The following TMEM132D variants were observed in gnomAD, a reference collection of about 807,000 sequenced individuals.
TMEM132D encodes the protein mature OL transmembrane protein.
A neutral mutation model predicts 62.3 loss-of-function variants in TMEM132D; 21 were observed. The ratio of observed to expected loss-of-function variants is 0.34; its 90% CI spans 0.24 to 0.49. TMEM132D has a LOEUF of 0.49. TMEM132D is among the 20% of genes least tolerant of loss of function. The pLI is 0.99. For missense variants in TMEM132D, 1,346 were observed against 1,402.8 expected (o/e 0.96, Z 0.65); for synonymous variants, 621 against 575.6 (o/e 1.08, Z -1.13).
At chr12:129,483,882 TC>T (rs1445561147) in intron 3 of TMEM132D, among the ~76,000 whole-genome samples, 1 of 152,236 alleles carries the variant, frequency 6.6e-6, no homozygotes, top group Non-Finnish European at 1.5e-5. Flanking sequence ...ATGATTTTGC[TC>T]TAATTTAGTT....
intron 5 of TMEM132D, among the ~76,000 whole-genome samples, chr12:129,124,243 T>G (rs1876148244): frequency 6.6e-6 from 1 of 152,160 alleles, no homozygotes; most frequent in African/African-American, 2.4e-5. Context: ...CCCAGAGCTC[T>G]CTTCATCTAA....
At chr12:129,699,237 A>G (rs1881312098) in intron 2 of TMEM132D, among the ~76,000 whole-genome samples, 1 of 152,236 alleles carries the variant, frequency 6.6e-6, no homozygotes, top group Admixed American at 6.5e-5. Flanking sequence ...ATTCTTATAT[A>G]AGAAACTCAA....
At chr12:129,593,479 A>T (rs1878250161) in intron 2 of TMEM132D, among the ~76,000 whole-genome samples, 1 of 152,236 alleles carries the variant, frequency 6.6e-6, no homozygotes, top group African/African-American at 2.4e-5. Context: ...CAGGTCTCAG[A>T]CACTTGAAGG....
At chr12:129,842,097 ATTTTT>A (rs746315309) in intron 1 of TMEM132D, among the ~76,000 whole-genome samples, 118 of 97,438 alleles carry the variant, frequency 1.2e-3, no homozygotes, top group East Asian at 5.6e-3. Flanking sequence ...CGCCCGGCTA[ATTTTT>A]TTTTTTTTTT....
intron 4 of TMEM132D, among the ~76,000 whole-genome samples, chr12:129,216,638 T>C (rs1475523463): frequency 6.6e-6 from 1 of 152,142 alleles, no homozygotes; most frequent in Non-Finnish European, 1.5e-5. Context: ...TCCAGAACAG[T>C]GATGGAGTGA....
At chr12:129,209,216 G>A (rs1344179597) in intron 5 of TMEM132D, among the ~76,000 whole-genome samples, 1 of 152,170 alleles carries the variant, frequency 6.6e-6, no homozygotes, top group East Asian at 1.9e-4. Flanking sequence ...GGGTAAGCGG[G>A]TCCCTGCCTC....
chr12:129,515,007 G>A (rs547531954), intron 3 of TMEM132D, among the ~76,000 whole-genome samples: 10 of 152,184 alleles, frequency 6.6e-5, no homozygotes, highest in Non-Finnish European at 1.2e-4. Context: ...AAGCCTGCTA[G>A]CATAAACTGC....
chr12:129,108,324 G>T (rs550852552), intron 5 of TMEM132D, among the ~76,000 whole-genome samples: 1 of 152,158 alleles, frequency 6.6e-6, no homozygotes. Flanking sequence ...CTTCCTGAAA[G>T]TTTTATTTTC....
chr12:129,200,454 CAG>C (rs2135560924), intron 5 of TMEM132D, among the ~76,000 whole-genome samples: 1 of 152,300 alleles, frequency 6.6e-6, no homozygotes, highest in African/African-American at 2.4e-5. Context: ...GCAGGTGACA[CAG>C]GGAAAGTCTT....
chr12:129,710,741 A>G (rs1452329023), intron 1 of TMEM132D, among the ~76,000 whole-genome samples: 1 of 152,224 alleles, frequency 6.6e-6, no homozygotes, highest in Non-Finnish European at 1.5e-5. Flanking sequence ...GTCCAGAAAG[A>G]GGCGAACACT....
chr12:129,120,422 G>A (rs942274321), intron 5 of TMEM132D, among the ~76,000 whole-genome samples: 3 of 152,128 alleles, frequency 2.0e-5, no homozygotes, highest in Admixed American at 6.5e-5. Context: ...TGTTCTTACT[G>A]GGAAAGTGTA....
At chr12:129,445,791 G>A (rs1195982591) in intron 3 of TMEM132D, among the ~76,000 whole-genome samples, 1 of 152,098 alleles carries the variant, frequency 6.6e-6, no homozygotes, top group East Asian at 1.9e-4. Context: ...ATTCTTACTT[G>A]TTGCAGGTCA....
At chr12:129,247,649 T>C (rs1487398668) in intron 4 of TMEM132D, among the ~76,000 whole-genome samples, 6 of 152,250 alleles carry the variant, frequency 3.9e-5, no homozygotes, top group Non-Finnish European at 7.3e-5. Flanking sequence ...CACAGTGTTC[T>C]TCAGAATGGA....
At chr12:129,544,638 C>G (rs1225989609) in intron 2 of TMEM132D, among the ~76,000 whole-genome samples, 1 of 152,012 alleles carries the variant, frequency 6.6e-6, no homozygotes, top group African/African-American at 2.4e-5. Flanking sequence ...TATCCTAATA[C>G]CACATATTTC....
chr12:129,823,012 G>C lies in TMEM132D; in HGVS notation c.79+80249C>G, dbSNP rs1199229589. On this transcript the variant is annotated intron_variant, in intron 1 of 8. Transcript: ENST00000422113. Reference sequence around the variant, plus strand: ...GGGCAGATTTCTCATGAATGGTTTAGTACCATCCACTTAGAACTGTCCTCG... The same window carrying C: ...GGGCAGATTTCTCATGAATGGTTTACTACCATCCACTTAGAACTGTCCTCG... 2.6e-5 allele frequency among the ~76,000 whole-genome samples: 4 copies of C among 152,318 alleles called. No individual in the cohort carries two copies. The East Asian group carries it at 5.8e-4, about 22-fold the overall frequency.
At chr12:129,833,270 C>T (rs1393468319) in intron 1 of TMEM132D, among the ~76,000 whole-genome samples, 1 of 152,132 alleles carries the variant, frequency 6.6e-6, no homozygotes, top group Non-Finnish European at 1.5e-5. Context: ...AAACCTTGTT[C>T]CCTTTCTGCC....
chr12:129,316,679 G>A (rs1476030269), intron 4 of TMEM132D, among the ~76,000 whole-genome samples: 1 of 152,132 alleles, frequency 6.6e-6, no homozygotes, highest in Admixed American at 6.5e-5. Context: ...CCAAGGTATA[G>A]TTTAAATCCA....
At chr12:129,241,834 T>C (rs1593308477) in intron 4 of TMEM132D, among the ~76,000 whole-genome samples, 1 of 152,312 alleles carries the variant, frequency 6.6e-6, no homozygotes, top group East Asian at 1.9e-4. Context: ...AATAGAATGC[T>C]TGGAGAGGAG....
rs573489449 is a variant in TMEM132D at position 129,342,094 on chromosome 12, C to T, written c.1116-4277G>A. Among the ~76,000 whole-genome samples, 25 of 152,170 alleles carry T rather than the reference C, an allele frequency of 1.6e-4. No homozygotes were observed. The East Asian group carries it at 4.3e-3, about 26-fold the overall frequency. On this transcript the variant is annotated intron_variant, in intron 3 of 8. Coordinates refer to ENST00000422113, the MANE Select transcript of TMEM132D (RefSeq NM_133448.3). ...TAACTACTTTAAAGTTCATATGGAACCAAAAAAGAGCCAGCATCGCCAAGT... is the reference window on the plus strand; with the variant it reads ...TAACTACTTTAAAGTTCATATGGAATCAAAAAAGAGCCAGCATCGCCAAGT...
Sources: gnomAD v4.1 joint callset for allele counts (sites outside exome capture counted in the v4.1 genomes callset) on GRCh38, gnomAD v4.1.1 for gene constraint, MANE v1.5 for transcripts, NCBI Gene and HGNC (gene_info 2026-07-23, HGNC 2026-07-21) for gene names.